The following PLCXD3 variants were observed in gnomAD, a reference collection of about 807,000 sequenced individuals.
PLCXD3 encodes PI-PLC X domain-containing protein 3.
A neutral mutation model predicts 25.5 loss-of-function variants in PLCXD3; 19 were observed. That is an observed-to-expected ratio of 0.75 (90% confidence interval 0.52 to 1.09). PLCXD3 has a LOEUF of 1.09. PLCXD3 is among the 50% of genes least tolerant of loss of function. The probability of loss-of-function intolerance (pLI) is 0.00; values close to 1 mark genes in which losing one functional copy is unlikely to be tolerated. For synonymous variants in PLCXD3, 174 were observed against 137.6 expected, an observed-to-expected ratio of 1.26 and a Z score of -1.85; for missense variants, 411 against 388.1, an observed-to-expected ratio of 1.06 and a Z score of -0.50.
At chr5:41,378,967 C>A (rs935764910) in intron 2 of PLCXD3, among the ~76,000 whole-genome samples, 1 of 151,734 alleles carries the variant, frequency 6.6e-6, no homozygotes, top group Non-Finnish European at 1.5e-5. Flanking sequence ...AAAGGATGAT[C>A]TCTACACAGG....
At chr5:41,383,591 G>T (rs1390980262) in intron 1 of PLCXD3, among the ~76,000 whole-genome samples, 1 of 152,028 alleles carries the variant, frequency 6.6e-6, no homozygotes, top group African/African-American at 2.4e-5. Context: ...ATACATTAGA[G>T]GGTAGATATG....
intron 1 of PLCXD3, among the ~76,000 whole-genome samples, chr5:41,422,665 T>A (rs1359142147): frequency 6.6e-6 from 1 of 152,266 alleles, no homozygotes; most frequent in Admixed American, 6.5e-5. Flanking sequence ...CCTCAGATCT[T>A]CTTTTAAAGA....
chr5:41,489,512 A>G (rs1353087453), intron 1 of PLCXD3, among the ~76,000 whole-genome samples: 1 of 152,210 alleles, frequency 6.6e-6, no homozygotes, highest in African/African-American at 2.4e-5. Context: ...TCTGTAAATT[A>G]CCTTGGGCAG....
At chr5:41,471,809 TCCCCTCCCGTCCCCTCCCC>T in intron 1 of PLCXD3, among the ~76,000 whole-genome samples, 1 of 5,922 alleles carries the variant, frequency 1.7e-4, no homozygotes, top group Non-Finnish European at 3.4e-4. Context: ...TCCCTTCCCC[TCCCCTCCCGTCCCCTCCCC>T]TCCCCTCCCC....
intron 1 of PLCXD3, among the ~76,000 whole-genome samples, chr5:41,411,490 G>A (rs982552556): frequency 2.6e-5 from 4 of 152,086 alleles, no homozygotes; most frequent in African/African-American, 9.7e-5. Flanking sequence ...GATATGTAGA[G>A]AATATATTTC....
At chr5:41,432,961 AC>A (rs1747152559) in intron 1 of PLCXD3, among the ~76,000 whole-genome samples, 2 of 152,262 alleles carry the variant, frequency 1.3e-5, no homozygotes, top group East Asian at 3.9e-4. Flanking sequence ...TTGGCCCAGA[AC>A]CAGTTTCTTA....
intron 2 of PLCXD3, among the ~76,000 whole-genome samples, chr5:41,322,703 G>C (rs925611823): frequency 6.6e-6 from 1 of 152,164 alleles, no homozygotes; most frequent in East Asian, 1.9e-4. Context: ...GTGGCTGGGC[G>C]TGGTGGCCCA....
chr5:41,488,074 CT>C (rs1748561417), intron 1 of PLCXD3, among the ~76,000 whole-genome samples: 2 of 126,506 alleles, frequency 1.6e-5, no homozygotes, highest in South Asian at 3.3e-4. Context: ...CCCCTCCCCC[CT>C]CCCCCCACGC....
chr5:41,323,574 T>C (rs1355172449), intron 2 of PLCXD3, among the ~76,000 whole-genome samples: 1 of 152,164 alleles, frequency 6.6e-6, no homozygotes, highest in Non-Finnish European at 1.5e-5. Context: ...AATACTATGA[T>C]TAGATTAGTG....
chr5:41,487,758 T>C (rs1364833434), intron 1 of PLCXD3, among the ~76,000 whole-genome samples: 1 of 152,036 alleles, frequency 6.6e-6, no homozygotes, highest in Non-Finnish European at 1.5e-5. Context: ...GCCAACGAAA[T>C]TTTTAAGACA....
intron 1 of PLCXD3, among the ~76,000 whole-genome samples, chr5:41,478,463 TA>T (rs397883436): frequency 1.3e-5 from 1 of 77,390 alleles, no homozygotes. Context: ...ATCACTCCTA[TA>T]ATATTAATTA....
Position 41,444,604 on chromosome 5 carries a change from T to A in PLCXD3, c.104-62070A>T, listed in dbSNP as rs76544611. Among the ~76,000 whole-genome samples the A allele has an allele frequency of 5.3e-3, 814 of 152,320 alleles. 4 individuals are homozygous for A. The highest frequency in any genetic ancestry group is 0.018 in the African/African-American group (736 of 41,578). ...ATGCCAGTTAAGCTGCAATACATGC[T>A]GGAAAGCTAATAATACATGAATTAA... On this transcript the variant is annotated intron_variant, in intron 1 of 2. Coordinates refer to ENST00000377801, the MANE Select transcript of PLCXD3 (RefSeq NM_001005473.3).
At chr5:41,383,587 T>C (rs1281010445) in intron 1 of PLCXD3, among the ~76,000 whole-genome samples, 2 of 152,096 alleles carry the variant, frequency 1.3e-5, no homozygotes, top group African/African-American at 4.8e-5. Flanking sequence ...TTTCATACAT[T>C]AGAGGGTAGA....
At chr5:41,435,377 A>C (rs939846335) in intron 1 of PLCXD3, among the ~76,000 whole-genome samples, 36 of 152,042 alleles carry the variant, frequency 2.4e-4, no homozygotes, top group Non-Finnish European at 4.7e-4. Flanking sequence ...CAGAGTATGC[A>C]AAAAAAAGTC....
At chr5:41,401,516 C>A (rs1021225954) in intron 1 of PLCXD3, among the ~76,000 whole-genome samples, 4 of 151,994 alleles carry the variant, frequency 2.6e-5, no homozygotes, top group African/African-American at 9.7e-5. Context: ...TGTGTATGGG[C>A]CTAGCTCTGG....
chr5:41,485,083 T>C (rs903179420), intron 1 of PLCXD3, among the ~76,000 whole-genome samples: 6 of 152,188 alleles, frequency 3.9e-5, no homozygotes, highest in Non-Finnish European at 8.8e-5. Flanking sequence ...GAGAACTTAG[T>C]AGGTGTTAAG....
chr5:41,362,419 G>T (rs561795913), intron 2 of PLCXD3, among the ~76,000 whole-genome samples: 9 of 152,086 alleles, frequency 5.9e-5, no homozygotes, highest in Non-Finnish European at 1.0e-4. Context: ...TTTGGCTAAG[G>T]CTCATTTCTT....
intron 2 of PLCXD3, among the ~76,000 whole-genome samples, chr5:41,349,927 T>A (rs1744403943): frequency 7.5e-6 from 1 of 133,984 alleles, no homozygotes; most frequent in Admixed American, 8.6e-5. Flanking sequence ...AGGATTGGAT[T>A]TTTTTTTTTT....
At chr5:41,504,103 A>T (rs1392503652) in intron 1 of PLCXD3, among the ~76,000 whole-genome samples, 1 of 151,988 alleles carries the variant, frequency 6.6e-6, no homozygotes, top group Non-Finnish European at 1.5e-5. Context: ...TACTTTAGGG[A>T]TATGGGATTA....
Sources: allele counts gnomAD v4.1 joint callset (sites outside exome capture counted in the v4.1 genomes callset), GRCh38; gene constraint gnomAD v4.1.1; transcripts MANE v1.5; gene names NCBI Gene and HGNC (gene_info 2026-07-23, HGNC 2026-07-21).